LCP1: variants seen among roughly 807,000 people sequenced by gnomAD.
LCP1 encodes the protein plastin-2.
In LCP1, 23 loss-of-function variants were observed where a neutral mutation model predicts 72.0. That is an observed-to-expected ratio of 0.32 (90% confidence interval 0.23 to 0.45). LCP1 has a LOEUF of 0.45. Among genes scored for constraint, LCP1 ranks in the 20% least tolerant of loss-of-function variants. The pLI is 1.00. For synonymous variants in LCP1, 245 were observed against 275.4 expected (o/e 0.89, Z 1.09); for missense variants, 571 against 748.3 (o/e 0.76, Z 2.76).
chr13:46,128,623 C>T (rs1329910764), intron 15 of LCP1, among the ~76,000 whole-genome samples: 3 of 152,034 alleles, frequency 2.0e-5, no homozygotes, highest in Non-Finnish European at 4.4e-5. Context: ...CCTAGCCTTA[C>T]ACATCAATTT....
Position 46,158,865 on chromosome 13 carries a change from C to A in LCP1, c.189G>T (p.Leu63=). ...ITENLMATGD[L]DQDGRISFDE... is the part of the protein sequence containing the mutation. ...CAAAGCTGATCCTTCCATCTTGGTCCAGATCACCTGTAGCCATCAGGTTTT... is the reference window on the plus strand; with the variant it reads ...CAAAGCTGATCCTTCCATCTTGGTCAAGATCACCTGTAGCCATCAGGTTTT... Residue 63 remains leucine, a synonymous_variant, in exon 3 of 16, where the codon CTG becomes CTT. Transcript: ENST00000323076. 6.2e-7 allele frequency: 1 copy of A among 1,614,144 alleles called. No homozygotes were observed. Among genetic ancestry groups the A allele is most frequent in the African/African-American group, 1.3e-5 (1 of 75,028 alleles).
At chr13:46,139,970 T>G (rs1449107259) in intron 13 of LCP1, among the ~76,000 whole-genome samples, 1 of 152,088 alleles carries the variant, frequency 6.6e-6, no homozygotes, top group Non-Finnish European at 1.5e-5. Context: ...CATCAGACAA[T>G]AGGAAGCACA....
intron 1 of LCP1, among the ~76,000 whole-genome samples, chr13:46,172,474 G>C (rs577978016): frequency 2.0e-5 from 3 of 151,904 alleles, no homozygotes; most frequent in Non-Finnish European, 2.9e-5. Flanking sequence ...ACAGAGCAAG[G>C]CTCCATTACA....
At chr13:46,142,059 G>A (rs1223191920) in intron 13 of LCP1, among the ~76,000 whole-genome samples, 12 of 151,048 alleles carry the variant, frequency 7.9e-5, no homozygotes, top group African/African-American at 2.9e-4. Context: ...AAATTAGAAT[G>A]AAACAACAAT....
chr13:46,172,867 G>T (rs1484392341), intron 1 of LCP1, among the ~76,000 whole-genome samples: 2 of 152,238 alleles, frequency 1.3e-5, no homozygotes, highest in Non-Finnish European at 2.9e-5. Context: ...GGAAATAGGG[G>T]CCCTGGAGGG....
chr13:46,166,910 T>A (rs2045879548), intron 1 of LCP1, among the ~76,000 whole-genome samples: 1 of 152,174 alleles, frequency 6.6e-6, no homozygotes, highest in Non-Finnish European at 1.5e-5. Flanking sequence ...AACTTTTACA[T>A]AAAGGATGAT....
chr13:46,157,476 T>A (rs894116508), intron 4 of LCP1, among the ~76,000 whole-genome samples: 3 of 152,066 alleles, frequency 2.0e-5, no homozygotes, highest in Non-Finnish European at 4.4e-5. Context: ...GAAGGTGATT[T>A]TTAGATGTTT....
chr13:46,157,739 A>G (rs1033795798), intron 4 of LCP1, among the ~76,000 whole-genome samples: 7 of 137,492 alleles, frequency 5.1e-5, no homozygotes, highest in Non-Finnish European at 1.1e-4. Flanking sequence ...ATCATGACTT[A>G]TCTTTTTTTT....
At chr13:46,165,879 T>A (rs2045873612) in intron 1 of LCP1, among the ~76,000 whole-genome samples, 1 of 152,054 alleles carries the variant, frequency 6.6e-6, no homozygotes, top group Non-Finnish European at 1.5e-5. Flanking sequence ...ATTAAATCAA[T>A]AGTTGTAGAA....
At chr13:46,181,803 C>T (rs2138295214) in intron 1 of LCP1, among the ~76,000 whole-genome samples, 1 of 152,246 alleles carries the variant, frequency 6.6e-6, no homozygotes, top group South Asian at 2.1e-4. Context: ...TGAAATAGAG[C>T]AATAGAAATA....
At chr13:46,130,493 A>G (rs1229482274) in intron 15 of LCP1, among the ~76,000 whole-genome samples, 2 of 152,284 alleles carry the variant, frequency 1.3e-5, no homozygotes, top group East Asian at 3.9e-4. Flanking sequence ...ATTCTTATCC[A>G]TGAATATTCA....
intron 4 of LCP1, among the ~76,000 whole-genome samples, chr13:46,158,245 T>G (rs2059440706): frequency 6.6e-6 from 1 of 152,198 alleles, no homozygotes; most frequent in Admixed American, 6.5e-5. Context: ...GATAGAAGCT[T>G]GAGTAGCTAA....
At chr13:46,178,596 T>C (rs2045942569) in intron 1 of LCP1, among the ~76,000 whole-genome samples, 1 of 152,202 alleles carries the variant, frequency 6.6e-6, no homozygotes, top group Admixed American at 6.5e-5. Flanking sequence ...TAGGAACACT[T>C]GAAACTCTTC....
intron 1 of LCP1, among the ~76,000 whole-genome samples, chr13:46,173,592 GT>G (rs58984874): frequency 0.86 from 130,476 of 152,202 alleles, 56,069 homozygotes; most frequent in East Asian, 0.99. Context: ...GATTAGTTGT[GT>G]TGTATACTAT....
At chr13:46,133,675 TAAATTAAAATTAAAAATATAA>T (rs2045646702) in intron 14 of LCP1, among the ~76,000 whole-genome samples, 1 of 151,194 alleles carries the variant, frequency 6.6e-6, no homozygotes, top group Non-Finnish European at 1.5e-5. Flanking sequence ...TATTAAAAAA[TAAATTAAAATTAAAAATATAA>T]AAATTAAAAT....
At chr13:46,162,530 A>G (rs1372438017) in intron 1 of LCP1, among the ~76,000 whole-genome samples, 2 of 151,856 alleles carry the variant, frequency 1.3e-5, no homozygotes, top group Admixed American at 1.3e-4. Flanking sequence ...TCCAGCTCCT[A>G]ACCGTGAGTG....
chr13:46,134,083 G>T, intron 14 of LCP1, 44 bp downstream of exon 14: 1 of 1,602,412 alleles, frequency 6.2e-7, no homozygotes, highest in Non-Finnish European at 8.5e-7. Flanking sequence ...ATACAGATAG[G>T]CATAGAGCTC....
chr13:46,135,015 A>G (rs2045655753), intron 13 of LCP1, among the ~76,000 whole-genome samples: 1 of 147,478 alleles, frequency 6.8e-6, no homozygotes, highest in Non-Finnish European at 1.5e-5. Context: ...AGGCTGAGGT[A>G]GGAGGATTGC....
At chr13:46,179,052 C>T (rs2045944859) in intron 1 of LCP1, among the ~76,000 whole-genome samples, 1 of 152,150 alleles carries the variant, frequency 6.6e-6, no homozygotes, top group Non-Finnish European at 1.5e-5. Flanking sequence ...TCTTTGTCAT[C>T]AAAGAGGCCC....
Sources: gnomAD v4.1 joint callset for allele counts (sites outside exome capture counted in the v4.1 genomes callset) on GRCh38, gnomAD v4.1.1 for gene constraint, MANE v1.5 for transcripts, NCBI Gene and HGNC (gene_info 2026-07-23, HGNC 2026-07-21) for gene names.